The following NICOL1 variants were observed in gnomAD, a reference collection of about 807,000 sequenced individuals.
NICOL1 encodes NELL2-interacting cell ontogeny regulator 1.
At chr4:2,040,676 G>A in the NICOL1 span, among the ~76,000 whole-genome samples, 89,594 of 152,104 alleles carry the variant, frequency 0.59, 29,534 homozygotes, top group South Asian at 0.75. Flanking sequence ...TGCCTCCCCA[G>A]GCGCCTGGGA....
At chr4:2,042,594 G>T in the NICOL1 span, 1 of 512,316 alleles carries the variant, frequency 2.0e-6, no homozygotes, top group Non-Finnish European at 3.4e-6. Flanking sequence ...CCCGGGAGCG[G>T]GTCCTCCCCT....
the NICOL1 span, chr4:2,043,860 G>C: frequency 1.3e-6 from 2 of 1,549,614 alleles, no homozygotes; most frequent in Non-Finnish European, 1.7e-6. Context: ...TTGCTTTGCA[G>C]ACGGAGACCC....
the NICOL1 span, chr4:2,042,398 CGCCGCTGCTGCT>C: frequency 2.0e-6 from 1 of 503,946 alleles, no homozygotes; most frequent in South Asian, 2.9e-5. Context: ...CCGCCGCCGC[CGCCGCTGCTGCT>C]GCTGCTGCTG....
the NICOL1 span, among the ~76,000 whole-genome samples, chr4:2,041,344 A>G: frequency 1.3e-5 from 2 of 152,258 alleles, no homozygotes; most frequent in African/African-American, 4.8e-5. Context: ...TTTAAGGCCA[A>G]CAGCCCTGAG....
chr4:2,041,854 C>T, the NICOL1 span: 10 of 903,338 alleles, frequency 1.1e-5, no homozygotes, highest in South Asian at 1.3e-4. Flanking sequence ...ACGCTGCTCC[C>T]GGGGGCAGCC....
chr4:2,037,470 G>A, the NICOL1 span, among the ~76,000 whole-genome samples: 1 of 152,170 alleles, frequency 6.6e-6, no homozygotes, highest in African/African-American at 2.4e-5. Context: ...AAATTAAGAT[G>A]AGAACTCATC....
the NICOL1 span, chr4:2,042,417 G>GCTT: frequency 6.1e-6 from 3 of 495,732 alleles, no homozygotes; most frequent in Non-Finnish European, 1.1e-5. Context: ...TGCTGCTGCT[G>GCTT]CTGAGTCTGG....
the NICOL1 span, chr4:2,041,856 G>A: frequency 1.1e-6 from 1 of 919,340 alleles, no homozygotes; most frequent in South Asian, 2.2e-5. Context: ...GCTGCTCCCG[G>A]GGGCAGCCCC....
At chr4:2,041,687 C>T in the NICOL1 span, 1 of 331,270 alleles carries the variant, frequency 3.0e-6, no homozygotes, top group Non-Finnish European at 5.5e-6. Context: ...TCGCGAGCAT[C>T]GAGCAGCTCC....
chr4:2,042,908 G>T, the NICOL1 span: 1 of 901,322 alleles, frequency 1.1e-6, no homozygotes, highest in Non-Finnish European at 1.6e-6. Flanking sequence ...CCCCCTGCGG[G>T]AGTGGAGTGT....
At chr4:2,038,237 G>GTGTGTATATATATATATA in the NICOL1 span, among the ~76,000 whole-genome samples, 1 of 91,468 alleles carries the variant, frequency 1.1e-5, no homozygotes, top group African/African-American at 3.6e-5. Flanking sequence ...TGATCAGTGT[G>GTGTGTATATATATATATA]TATATATATA....
chr4:2,042,362 C>G, the NICOL1 span: 2 of 512,754 alleles, frequency 3.9e-6, no homozygotes, highest in African/African-American at 2.0e-5. Flanking sequence ...ATGGCCCCCC[C>G]GCCCGCGTGC....
the NICOL1 span, among the ~76,000 whole-genome samples, chr4:2,036,823 G>A: frequency 1.6e-4 from 25 of 152,278 alleles, no homozygotes; most frequent in African/African-American, 6.0e-4. Flanking sequence ...CGGCTATGGG[G>A]AGTGAGTGTG....
the NICOL1 span, among the ~76,000 whole-genome samples, chr4:2,040,647 C>G: frequency 2.6e-5 from 4 of 152,164 alleles, no homozygotes; most frequent in Non-Finnish European, 5.9e-5. Context: ...CGCACTAGCC[C>G]GACACTCGGG....
At chr4:2,043,768 C>A in the NICOL1 span, 1 of 995,894 alleles carries the variant, frequency 1.0e-6, no homozygotes, top group Non-Finnish European at 1.5e-6. Context: ...TCTCAGGAGC[C>A]GGTGGAGATA....
At chr4:2,043,883 C>A in the NICOL1 span, 6 of 1,549,648 alleles carry the variant, frequency 3.9e-6, no homozygotes, top group Admixed American at 1.2e-4. Context: ...CTGCTGCAGG[C>A]AGAGCGCCGT....
At chr4:2,042,014 C>T in the NICOL1 span, 1 of 1,470,790 alleles carries the variant, frequency 6.8e-7, no homozygotes, top group East Asian at 2.9e-5. Context: ...GCGCGCCGGA[C>T]GCGGAACGTC....
the NICOL1 span, among the ~76,000 whole-genome samples, chr4:2,039,304 C>T: frequency 1.3e-5 from 2 of 151,782 alleles, no homozygotes; most frequent in African/African-American, 4.8e-5. Context: ...ATCCCAGCTA[C>T]TTGGGAGGCT....
At chr4:2,042,933 C>T in the NICOL1 span, 3 of 712,066 alleles carry the variant, frequency 4.2e-6, no homozygotes, top group Non-Finnish European at 4.3e-6. Context: ...CATCCTTCAC[C>T]CCGATTTAAG....
Sources: allele counts gnomAD v4.1 joint callset (sites outside exome capture counted in the v4.1 genomes callset), GRCh38; gene constraint gnomAD v4.1.1; transcripts MANE v1.5; gene names NCBI Gene and HGNC (gene_info 2026-07-23, HGNC 2026-07-21).